GABRB2: variants seen among roughly 807,000 people sequenced by gnomAD.
GABRB2 encodes gamma-aminobutyric acid type A receptor subunit beta2, also known as gamma-aminobutyric acid receptor subunit beta-2.
GABRB2 carries 16 observed loss-of-function variants against 54.7 expected under a neutral mutation model. That is an observed-to-expected ratio of 0.29 (90% confidence interval 0.20 to 0.44). The LOEUF (loss-of-function observed/expected upper bound fraction) is 0.44, where lower values mean the gene tolerates loss of function less well. GABRB2 is among the 20% of genes least tolerant of loss of function. The pLI is 1.00. For missense variants in GABRB2, 355 were observed against 644.0 expected, an observed-to-expected ratio of 0.55 and a Z score of 4.86; for synonymous variants, 244 against 233.8, an observed-to-expected ratio of 1.04 and a Z score of -0.40.
chr5:161,421,341 TAGAGCGACCCCC>T lies in GABRB2; in HGVS notation c.459-10296_459-10285del, dbSNP rs1433269108. On this transcript the variant is annotated intron_variant, in intron 4 of 9. Transcript: ENST00000393959. Reference sequence around the variant, plus strand: ...GGAGATCTGGCAGGAGTGTTGCCATTAGAGCGACCCCCAGATAACTGAAATGACTTTTATATC... The same window carrying T: ...GGAGATCTGGCAGGAGTGTTGCCATTAGATAACTGAAATGACTTTTATATC... Among the ~76,000 whole-genome samples the T allele has an allele frequency of 2.6e-5, 4 of 152,288 alleles. No homozygotes were observed. In the East Asian group the frequency reaches 7.7e-4, roughly 29 times the overall value.
chr5:161,312,914 G>A (rs1757915068), intron 9 of GABRB2, among the ~76,000 whole-genome samples: 2 of 152,170 alleles, frequency 1.3e-5, no homozygotes, highest in Non-Finnish European at 2.9e-5. Flanking sequence ...CTTTATGTAA[G>A]CTCTTGGTAA....
At chr5:161,492,289 T>C (rs1169091573) in intron 3 of GABRB2, among the ~76,000 whole-genome samples, 2 of 151,726 alleles carry the variant, frequency 1.3e-5, no homozygotes, top group Non-Finnish European at 3.0e-5. Context: ...CGTTTGTGCT[T>C]CTTCGTCTCT....
At chr5:161,481,896 G>A (rs1168779441) in intron 3 of GABRB2, among the ~76,000 whole-genome samples, 2 of 151,900 alleles carry the variant, frequency 1.3e-5, no homozygotes, top group Admixed American at 1.3e-4. Context: ...GGAGTCAATG[G>A]TCATAAATCC....
intron 3 of GABRB2, among the ~76,000 whole-genome samples, chr5:161,524,023 A>T (rs1760197316): frequency 6.6e-6 from 1 of 151,340 alleles, no homozygotes; most frequent in South Asian, 2.1e-4. Flanking sequence ...TCTAACCACC[A>T]CTAGTCAGAT....
At chr5:161,540,374 G>A (rs1031640712) in intron 3 of GABRB2, among the ~76,000 whole-genome samples, 1 of 152,162 alleles carries the variant, frequency 6.6e-6, no homozygotes, top group African/African-American at 2.4e-5. Flanking sequence ...ACATCTTCAG[G>A]CTCCACTTCT....
At chr5:161,486,387 GA>G (rs1405931888) in intron 3 of GABRB2, among the ~76,000 whole-genome samples, 1 of 151,922 alleles carries the variant, frequency 6.6e-6, no homozygotes, top group Non-Finnish European at 1.5e-5. Flanking sequence ...GCAGCCTCTG[GA>G]AGTAAACATC....
At chr5:161,365,222 G>T (rs898040411) in intron 5 of GABRB2, among the ~76,000 whole-genome samples, 1 of 152,292 alleles carries the variant, frequency 6.6e-6, no homozygotes, top group Middle Eastern at 3.4e-3. Flanking sequence ...GTGCAGAAAA[G>T]AAAACAAGGT....
At chr5:161,410,757 T>C (rs549585742) in intron 5 of GABRB2, among the ~76,000 whole-genome samples, 1 of 152,302 alleles carries the variant, frequency 6.6e-6, no homozygotes, top group Non-Finnish European at 1.5e-5. Flanking sequence ...ATTTCTTCCC[T>C]AAATATCTCT....
chr5:161,470,303 T>A (rs913530223), intron 3 of GABRB2, among the ~76,000 whole-genome samples: 1 of 151,838 alleles, frequency 6.6e-6, no homozygotes, highest in Non-Finnish European at 1.5e-5. Context: ...ACTTTATCCA[T>A]GAGGGACACG....
chr5:161,445,061 T>C lies in GABRB2; in HGVS notation c.458+14563A>G, dbSNP rs559515227. On this transcript the variant is annotated intron_variant, in intron 4 of 9. Transcript: ENST00000393959. The stretch of plus-strand genomic sequence containing the variant: ...CGGCAATTACTCATTCATGCGTACA[T>C]ATATTCATTCAGCAAATTTTTTAAA... 1.8e-4 allele frequency among the ~76,000 whole-genome samples: 28 copies of C among 152,278 alleles called. 1 individual carries two copies. The South Asian group carries it at 4.4e-3, about 24-fold the overall frequency.
intron 5 of GABRB2, among the ~76,000 whole-genome samples, chr5:161,345,904 CT>C (rs1754308043): frequency 6.6e-6 from 1 of 152,060 alleles, no homozygotes; most frequent in South Asian, 2.1e-4. Context: ...TTTTTCTGAA[CT>C]GAACTGTCAA....
At chr5:161,299,247 C>T (rs754208141) in intron 9 of GABRB2, among the ~76,000 whole-genome samples, 2 of 152,214 alleles carry the variant, frequency 1.3e-5, no homozygotes, top group East Asian at 3.8e-4. Context: ...TGGGAAACCA[C>T]CACTTCCCCA....
Position 161,308,083 on chromosome 5 carries a change from G to C in GABRB2, c.1192-13655C>G, listed in dbSNP as rs187829297. On this transcript the variant is annotated intron_variant, in intron 9 of 9. Coordinates refer to ENST00000393959, the MANE Select transcript of GABRB2 (RefSeq NM_001371727.1). ...TCACCATGTTGGCCAGGATGGTCTC[G>C]ATCTCCTGACCTCGTGATCTGCCCG... Among the ~76,000 whole-genome samples, 335 of 152,002 alleles carry C rather than the reference G, an allele frequency of 2.2e-3. 1 individual carries two copies. The highest frequency in any genetic ancestry group is 7.5e-3 in the African/African-American group (312 of 41,444).
intron 5 of GABRB2, among the ~76,000 whole-genome samples, chr5:161,371,151 C>T (rs1206392574): frequency 6.6e-6 from 1 of 152,102 alleles, no homozygotes; most frequent in Non-Finnish European, 1.5e-5. Flanking sequence ...CAGAATATAA[C>T]AGGGTGGATT....
intron 3 of GABRB2, among the ~76,000 whole-genome samples, chr5:161,519,968 A>G (rs984619291): frequency 2.0e-5 from 3 of 152,142 alleles, no homozygotes; most frequent in Non-Finnish European, 4.4e-5. Flanking sequence ...TTCTTTTTAT[A>G]GTTCTTTTTT....
chr5:161,476,599 G>A (rs1199568160), intron 3 of GABRB2, among the ~76,000 whole-genome samples: 7 of 151,768 alleles, frequency 4.6e-5, no homozygotes, highest in Non-Finnish European at 1.0e-4. Flanking sequence ...CAAATGTATG[G>A]CCAATGGAAT....
At chr5:161,523,261 AC>A (rs1395210863) in intron 3 of GABRB2, among the ~76,000 whole-genome samples, 1 of 151,536 alleles carries the variant, frequency 6.6e-6, no homozygotes, top group Non-Finnish European at 1.5e-5. Context: ...CATCCTACAA[AC>A]TTTCACAAGT....
At chr5:161,380,631 GA>G (rs34717840) in intron 5 of GABRB2, among the ~76,000 whole-genome samples, 83 of 147,518 alleles carry the variant, frequency 5.6e-4, no homozygotes, top group Non-Finnish European at 7.4e-4. Context: ...ATGCTCTTGT[GA>G]AAAAAAAAAA....
At chr5:161,434,478 T>C (rs976433276) in intron 4 of GABRB2, among the ~76,000 whole-genome samples, 2 of 152,148 alleles carry the variant, frequency 1.3e-5, no homozygotes, top group Non-Finnish European at 2.9e-5. Flanking sequence ...TCATTTCTCA[T>C]AGTTCTCCAG....
Sources: gnomAD v4.1 joint callset for allele counts (sites outside exome capture counted in the v4.1 genomes callset) on GRCh38, gnomAD v4.1.1 for gene constraint, MANE v1.5 for transcripts, NCBI Gene and HGNC (gene_info 2026-07-23, HGNC 2026-07-21) for gene names.